SMG6: variants seen among roughly 807,000 people sequenced by gnomAD.
The protein encoded by SMG6 is SMG6 nonsense mediated mRNA decay factor, also known as telomerase-binding protein EST1A.
SMG6 carries 66 observed loss-of-function variants against 142.2 expected under a neutral mutation model. The ratio of observed to expected loss-of-function variants is 0.46; its 90% confidence interval spans 0.38 to 0.57. SMG6 has a LOEUF of 0.57. Among genes scored for constraint, SMG6 ranks in the 20% least tolerant of loss-of-function variants. The pLI, the probability that SMG6 is intolerant of heterozygous loss-of-function variation, is 0.00. For synonymous variants in SMG6, 779 were observed against 702.4 expected (o/e 1.11, Z -1.72); for missense variants, 1,793 against 1,832.0 (o/e 0.98, Z 0.39).
In SMG6 at chr17:2,300,493, A is replaced by G. The variant is rs1290685864; in HGVS notation, c.260T>C (p.Val87Ala). The change falls in exon 2 of 19, where the codon GTT becomes GCT. Residue 87 changes from valine (V) to alanine (A), a missense_variant. This residue lies in a region of SMG6 where 1,597 missense variants were observed against 1,584.6 expected (regional missense o/e 1.01). Transcript: ENST00000263073. ...TTTAACGGGCTGTGTACCATTTTCA[A>G]CAGCAGAGCAATCTCGGTCATTAAC... ...EIVNDRDCSA[V>A]ENGTQPVKDV... 2 of 1,614,136 alleles carry G rather than the reference A, an allele frequency of 1.2e-6. No individual in the cohort carries two copies. Among genetic ancestry groups the G allele is most frequent in the Non-Finnish European group, 1.7e-6 (2 of 1,180,020 alleles).
intron 8 of SMG6, among the ~76,000 whole-genome samples, chr17:2,258,022 A>AG (rs1423222984): frequency 3.7e-5 from 2 of 53,916 alleles, no homozygotes; most frequent in African/African-American, 4.7e-5. Context: ...AAAAAAAAAA[A>AG]AAAAAAAAAA....
intron 6 of SMG6, among the ~76,000 whole-genome samples, chr17:2,289,411 C>T (rs912191046): frequency 1.2e-4 from 18 of 151,400 alleles, no homozygotes; most frequent in African/African-American, 4.4e-4. Context: ...CAAAATATTA[C>T]CTGGGTATGA....
chr17:2,106,384 GA>G (rs2069155494), intron 13 of SMG6, among the ~76,000 whole-genome samples: 1 of 152,170 alleles, frequency 6.6e-6, no homozygotes, highest in South Asian at 2.1e-4. Flanking sequence ...TAAAGGAAGG[GA>G]GGGGGGTCTC....
At chr17:2,195,889 C>T (rs16952006) in intron 10 of SMG6, among the ~76,000 whole-genome samples, 11,290 of 152,128 alleles carry the variant, frequency 0.074, 595 homozygotes, top group Middle Eastern at 0.12. Flanking sequence ...GATTTTCACA[C>T]GCCCGTGACT....
At chr17:2,119,441 G>C (rs1782372886) in intron 13 of SMG6, among the ~76,000 whole-genome samples, 1 of 152,104 alleles carries the variant, frequency 6.6e-6, no homozygotes, top group African/African-American at 2.4e-5. Context: ...TGATCCGCCT[G>C]CCTCAGCCTT....
intron 1 of SMG6, among the ~76,000 whole-genome samples, chr17:2,301,699 G>T (rs556230981): frequency 6.6e-6 from 1 of 152,188 alleles, no homozygotes; most frequent in East Asian, 1.9e-4. Context: ...AAAATTAGCC[G>T]GGCGTGGTGG....
Position 2,283,721 on chromosome 17 carries a change from G to A in SMG6, c.2352C>T (p.Asp784=), listed in dbSNP as rs142112792. 4.7e-4 allele frequency: 753 copies of A among 1,613,742 alleles called. 7 individuals are homozygous for A. The African/African-American group carries it at 7.0e-3, about 15-fold the overall frequency. ...AACTGCGCATATAGTAATAGACAGC[G>A]TCAAGCTTCCTCCTCTGTGGAAAGA... is the stretch of plus-strand genomic sequence containing the variant. ...LLAVYTRRKL[D]AVYYYMRSLA... Residue 784 remains aspartate (D), a synonymous_variant, in exon 7 of 19, where the codon GAC becomes GAT. Transcript: ENST00000263073.
intron 12 of SMG6, among the ~76,000 whole-genome samples, chr17:2,180,707 G>A (rs532517668): frequency 1.3e-5 from 2 of 152,170 alleles, no homozygotes; most frequent in African/African-American, 4.8e-5. Flanking sequence ...AACTGCATAA[G>A]GAAAGAGGGT....
intron 13 of SMG6, among the ~76,000 whole-genome samples, chr17:2,159,571 T>C (rs1035742621): frequency 2.0e-5 from 3 of 152,228 alleles, no homozygotes; most frequent in African/African-American, 7.2e-5. Context: ...CACATATTGC[T>C]AGTGGGAGTA....
At chr17:2,176,247 C>T (rs577992869) in intron 12 of SMG6, among the ~76,000 whole-genome samples, 1 of 152,290 alleles carries the variant, frequency 6.6e-6, no homozygotes, top group South Asian at 2.1e-4. Context: ...TTTAATTCCT[C>T]ATCCCAACCA....
intron 10 of SMG6, among the ~76,000 whole-genome samples, chr17:2,204,469 G>A (rs1187477768): frequency 2.0e-5 from 3 of 152,154 alleles, no homozygotes; most frequent in Non-Finnish European, 4.4e-5. Context: ...ACCAAACTGC[G>A]AACGTAATGA....
At chr17:2,241,715 T>C (rs1005072905) in intron 9 of SMG6, among the ~76,000 whole-genome samples, 1 of 152,216 alleles carries the variant, frequency 6.6e-6, no homozygotes, top group Admixed American at 6.5e-5. Flanking sequence ...TCATCATTAC[T>C]GTGGTCCTTT....
At chr17:2,098,921 G>A (rs1385996540) in intron 13 of SMG6, among the ~76,000 whole-genome samples, 1 of 152,174 alleles carries the variant, frequency 6.6e-6, no homozygotes, top group African/African-American at 2.4e-5. Context: ...GTGAGCCACC[G>A]TGCCTGGCCA....
At chr17:2,170,101 CGGGCAGCGGGTG>C (rs1183028554) in intron 13 of SMG6, among the ~76,000 whole-genome samples, 1 of 152,076 alleles carries the variant, frequency 6.6e-6, no homozygotes, top group Non-Finnish European at 1.5e-5. Flanking sequence ...ACCAGGTTGG[CGGGCAGCGGGTG>C]GGGCAGGATT....
chr17:2,196,287 C>A (rs767450667), intron 10 of SMG6, among the ~76,000 whole-genome samples: 1 of 151,972 alleles, frequency 6.6e-6, no homozygotes, highest in Non-Finnish European at 1.5e-5. Flanking sequence ...CTGGGCGTGG[C>A]GGCGCGTGCC....
chr17:2,281,295 T>C (rs914478343), intron 8 of SMG6, among the ~76,000 whole-genome samples: 2 of 152,070 alleles, frequency 1.3e-5, no homozygotes, highest in African/African-American at 4.8e-5. Context: ...CCAGCCAATT[T>C]TGAAAATTTT....
chr17:2,094,401 G>C (rs182054337), intron 13 of SMG6, among the ~76,000 whole-genome samples: 1 of 152,288 alleles, frequency 6.6e-6, no homozygotes, highest in Admixed American at 6.5e-5. Flanking sequence ...ACCACACCCA[G>C]CTAAGTTTTG....
intron 10 of SMG6, among the ~76,000 whole-genome samples, chr17:2,231,293 A>C (rs975064380): frequency 6.6e-6 from 1 of 152,162 alleles, no homozygotes; most frequent in African/African-American, 2.4e-5. Flanking sequence ...AGTTAAAGCT[A>C]TCAGTCCTAT....
At chr17:2,260,076 T>A (rs1452975862) in intron 8 of SMG6, among the ~76,000 whole-genome samples, 6 of 152,242 alleles carry the variant, frequency 3.9e-5, no homozygotes, top group African/African-American at 7.2e-5. Context: ...CAGGTTTGGA[T>A]GTGAACTTCT....
Sources: allele counts gnomAD v4.1 joint callset (sites outside exome capture counted in the v4.1 genomes callset), GRCh38; gene constraint gnomAD v4.1.1; regional missense constraint gnomAD v4.1.1; transcripts MANE v1.5; gene names NCBI Gene and HGNC (gene_info 2026-07-23, HGNC 2026-07-21).